The following PTGFRN variants were observed in gnomAD, a reference collection of about 807,000 sequenced individuals.
PTGFRN encodes the protein prostaglandin F2 receptor negative regulator.
A neutral mutation model predicts 83.2 loss-of-function variants in PTGFRN; 35 were observed. The ratio of observed to expected loss-of-function variants is 0.42; its 90% CI spans 0.32 to 0.56. The LOEUF (loss-of-function observed/expected upper bound fraction) is 0.56, where lower values mean the gene tolerates loss of function less well. Among genes scored for constraint, PTGFRN ranks in the 20% least tolerant of loss-of-function variants. PTGFRN has a pLI of 0.11. For synonymous variants in PTGFRN, 519 were observed against 498.6 expected (o/e 1.04, Z -0.55); for missense variants, 1,051 against 1,179.5 (o/e 0.89, Z 1.60).
chr1:116,966,265 C>T (rs971630992), intron 5 of PTGFRN, among the ~76,000 whole-genome samples: 3 of 152,210 alleles, frequency 2.0e-5, no homozygotes, highest in Non-Finnish European at 4.4e-5. Context: ...GCCATAGACA[C>T]CTCTCAAAAT....
intron 7 of PTGFRN, among the ~76,000 whole-genome samples, chr1:116,982,194 A>G (rs1557751097): frequency 6.6e-6 from 1 of 152,218 alleles, no homozygotes; most frequent in Admixed American, 6.5e-5. Context: ...TATGATACAC[A>G]CAAAAATAAA....
At chr1:116,912,638 C>T (rs376702897) in intron 1 of PTGFRN, among the ~76,000 whole-genome samples, 1 of 152,122 alleles carries the variant, frequency 6.6e-6, no homozygotes, top group East Asian at 1.9e-4. Context: ...ATTATTTCCT[C>T]CAGCCTCCCT....
chr1:116,928,501 A>T (rs1649711420), intron 1 of PTGFRN, among the ~76,000 whole-genome samples: 1 of 152,126 alleles, frequency 6.6e-6, no homozygotes. Context: ...TCTTTGCCAG[A>T]CCTCACATTG....
rs751850994 is a variant in PTGFRN at position 116,918,029 on chromosome 1, C to T, written c.49+7777C>T. Among the ~76,000 whole-genome samples, 10 of 152,186 alleles carry T rather than the reference C, an allele frequency of 6.6e-5. No individual in the cohort carries two copies. The highest frequency in any genetic ancestry group is 1.3e-4 in the Non-Finnish European group (9 of 68,044). ...TCTCTGATAGCTTTTAGGTCTTTGG[C>T]TGTTAGGCAGAATCTCTAGCACAGG... On this transcript the variant is annotated intron_variant, in intron 1 of 8. Transcript: ENST00000393203. The surrounding 1 kb of genome is among the most constrained non-coding windows in gnomAD (Gnocchi z 4.1).
intron 1 of PTGFRN, among the ~76,000 whole-genome samples, chr1:116,940,961 T>A (rs1454622796): frequency 1.3e-5 from 2 of 152,134 alleles, no homozygotes; most frequent in African/African-American, 4.8e-5. Flanking sequence ...AATTGCACAC[T>A]CTTAGGGAAG....
At chr1:116,965,229 G>C (rs1028870981) in intron 5 of PTGFRN, among the ~76,000 whole-genome samples, 118 of 152,232 alleles carry the variant, frequency 7.8e-4, no homozygotes, top group African/African-American at 2.8e-3. Flanking sequence ...TCCCAAGATA[G>C]ATAGGACTTG....
intron 3 of PTGFRN, among the ~76,000 whole-genome samples, chr1:116,946,357 C>G (rs1650202731): frequency 6.6e-6 from 1 of 152,178 alleles, no homozygotes; most frequent in Admixed American, 6.5e-5. Context: ...AGAGGAGCTG[C>G]TCATTACTGG....
At chr1:116,944,553 CG>C in intron 2 of PTGFRN, 125 bp from the exon 3 acceptor site, 1 of 964,270 alleles carries the variant, frequency 1.0e-6, no homozygotes, top group African/African-American at 1.7e-5. Flanking sequence ...GTTGGGAAAA[CG>C]TGCCCATCCG....
intron 1 of PTGFRN, among the ~76,000 whole-genome samples, chr1:116,939,456 A>G (rs1413659170): frequency 1.3e-5 from 2 of 152,234 alleles, no homozygotes; most frequent in Admixed American, 6.5e-5. Context: ...CCAGCTCTGC[A>G]TTGGCTCCTT....
intron 6 of PTGFRN, among the ~76,000 whole-genome samples, chr1:116,972,752 T>G (rs955728474): frequency 6.6e-5 from 10 of 152,134 alleles, no homozygotes; most frequent in Non-Finnish European, 1.5e-4. Flanking sequence ...GTTCCTAGAT[T>G]TTAGGAGTTG....
At chr1:116,945,462 A>G (rs1650173820) in intron 3 of PTGFRN, among the ~76,000 whole-genome samples, 1 of 152,168 alleles carries the variant, frequency 6.6e-6, no homozygotes, top group African/African-American at 2.4e-5. Flanking sequence ...TGAAGGTGCC[A>G]CACCCTGCCC....
chr1:116,979,564 C>T (rs1377212654), intron 7 of PTGFRN, among the ~76,000 whole-genome samples: 1 of 152,160 alleles, frequency 6.6e-6, no homozygotes, highest in Non-Finnish European at 1.5e-5. Flanking sequence ...AAAAATAATA[C>T]CACACATCTA....
rs1650377239 is a variant in PTGFRN, at chr1:116,952,536, C to G, written c.1213+2964C>G. 6.6e-6 allele frequency among the ~76,000 whole-genome samples: 1 copy of G among 152,116 alleles called. No individual in the cohort carries two copies. The highest frequency in any genetic ancestry group is 2.4e-5 in the African/African-American group (1 of 41,504). On this transcript the variant is annotated intron_variant, in intron 4 of 8. Transcript: ENST00000393203. The surrounding 1 kb of genome is among the most constrained non-coding windows in gnomAD (Gnocchi z 4.0). ...AAAGCAGGAGACATAAAATCAAGAT[C>G]AAAAGGGTAAAAGAAGAATAGATAT... is the stretch of plus-strand genomic sequence containing the variant.
rs1294706521 is a variant in PTGFRN, at chr1:116,923,380, A to G, written c.49+13128A>G. Among the ~76,000 whole-genome samples, 1 of 152,190 alleles carries G rather than the reference A, an allele frequency of 6.6e-6. No homozygotes were observed. The highest frequency in any genetic ancestry group is 6.5e-5 in the Admixed American group (1 of 15,286). On this transcript the variant is annotated intron_variant, in intron 1 of 8. Transcript: ENST00000393203. The surrounding 1 kb of genome is among the most constrained non-coding windows in gnomAD (Gnocchi z 4.0). The stretch of plus-strand genomic sequence containing the variant: ...AAGAATTGCGTGTGACTTCATTTCT[A>G]AGACAGGTTTTTGTGGTAGAGTAGG...
intron 1 of PTGFRN, among the ~76,000 whole-genome samples, chr1:116,928,260 A>G (rs137926850): frequency 6.0e-4 from 91 of 152,296 alleles, no homozygotes; most frequent in Middle Eastern, 3.4e-3. Flanking sequence ...TTGATTGTCA[A>G]TTCTGATATT....
At chr1:116,982,047 G>T (rs1651336251) in intron 7 of PTGFRN, among the ~76,000 whole-genome samples, 1 of 152,178 alleles carries the variant, frequency 6.6e-6, no homozygotes, top group Admixed American at 6.5e-5. Flanking sequence ...ACCTGAGATG[G>T]GGAAGACTGA....
At chr1:116,927,189 G>A (rs1335800395) in intron 1 of PTGFRN, among the ~76,000 whole-genome samples, 4 of 152,196 alleles carry the variant, frequency 2.6e-5, no homozygotes, top group Non-Finnish European at 2.9e-5. Context: ...AATGGCTGCC[G>A]CTTGACTTCC....
intron 1 of PTGFRN, among the ~76,000 whole-genome samples, chr1:116,926,991 T>C (rs1336570015): frequency 6.6e-6 from 1 of 152,166 alleles, no homozygotes; most frequent in Non-Finnish European, 1.5e-5. Context: ...GGTTTAGGGT[T>C]CTGAAGAAGG....
rs148214798 is a variant in PTGFRN, at chr1:116,949,445, T to G, written c.1086T>G (p.Asp362Glu). Reference protein sequence around the residue: ...DARSYHLLVRDVSKENSGYYY... With the variant: ...DARSYHLLVREVSKENSGYYY... The stretch of plus-strand genomic sequence containing the variant: ...GCTCCTACCATTTACTGGTTCGGGA[T>G]GTTAGCAAAGAAAACTCTGGCTACT... The change falls in exon 4 of 9, where the codon GAT (aspartate) becomes GAG (glutamate). Residue 362 changes from aspartate (D) to glutamate (E), a missense_variant. By Grantham distance (45) the Asp-to-Glu change is conservative (BLOSUM62 2). Around this residue, in one of 3 missense-constraint regions of PTGFRN, gnomAD observed 719 missense variants for 836.6 expected, o/e 0.86. Transcript: ENST00000393203. The G allele has an allele frequency of 1.7e-4, 282 of 1,614,252 alleles. 1 individual carries two copies. The highest frequency in any genetic ancestry group is 9.9e-4 in the Middle Eastern group (6 of 6,062).
Sources: gnomAD v4.1 joint callset for allele counts (sites outside exome capture counted in the v4.1 genomes callset) on GRCh38, gnomAD v4.1.1 for gene constraint, gnomAD v4.1.1 regional missense constraint, Gnocchi (gnomAD v3.1) non-coding constraint, MANE v1.5 for transcripts, NCBI Gene and HGNC (gene_info 2026-07-23, HGNC 2026-07-21) for gene names.